The following ADRA1A variants were observed in gnomAD, a reference collection of about 807,000 sequenced individuals.
The protein encoded by ADRA1A is alpha-1A adrenergic receptor.
Under a neutral mutation model 29.6 loss-of-function variants are expected in ADRA1A, and 31 were observed. The observed-to-expected ratio is 1.05, with a 90% CI of 0.79 to 1.41. ADRA1A has a LOEUF of 1.41. Ranked by LOEUF, ADRA1A falls within the 40% of genes most tolerant of loss-of-function variation. The pLI is 0.00. For missense variants in ADRA1A, 619 were observed against 601.1 expected (o/e 1.03, Z -0.31); for synonymous variants, 311 against 254.3 (o/e 1.22, Z -2.12).
intron 2 of ADRA1A, chr8:26,859,140 G>A (rs779878293): frequency 1.5e-5 from 19 of 1,289,796 alleles, no homozygotes; most frequent in South Asian, 1.1e-4. Context: ...TTCCTCTCCC[G>A]CAGCCTAGTG....
At chr8:26,799,415 G>T (rs1300704539) in intron 2 of ADRA1A, among the ~76,000 whole-genome samples, 1 of 152,202 alleles carries the variant, frequency 6.6e-6, no homozygotes, top group East Asian at 1.9e-4. Context: ...CCACAGAGGA[G>T]AGAGCTGTGC....
In ADRA1A at chr8:26,865,119, G is replaced by T. The variant is rs1031766289; in HGVS notation, c.-150C>A. The T allele has an allele frequency of 6.1e-6, 9 of 1,471,634 alleles. No homozygotes were observed. The highest frequency in any genetic ancestry group is 4.2e-5 in the African/African-American group (3 of 70,630). The allele number at this position is 1,471,634 out of a possible 1,614,324, so 91.2% of individuals were successfully genotyped here. A position where few individuals can be genotyped will look rare whatever the true frequency, so the allele number is the denominator to read the frequency against. On this transcript the variant is annotated 5_prime_UTR_variant, in exon 2 of 3. Transcript: ENST00000380573. This position sits in a 1 kb window ranked among gnomAD's most constrained non-coding sequence, Gnocchi z 7.6. The stretch of plus-strand genomic sequence containing the variant: ...TGGCTGGGGGTGAGAGCGCGCGCGC[G>T]GGTGGGAAACAACCCTGGCCAGCCC...
intron 2 of ADRA1A, among the ~76,000 whole-genome samples, chr8:26,789,882 T>C (rs796107762): frequency 7.9e-5 from 12 of 152,154 alleles, no homozygotes; most frequent in Admixed American, 5.2e-4. Context: ...ATCAGGTATA[T>C]GCAAATCCAA....
Position 26,770,652 on chromosome 8 carries a change from C to T in ADRA1A, c.898G>A (p.Asp300Asn), listed in dbSNP as rs773993150. ...AAAACTGTTTCAGAGGGCTTGAAATCAGGGAAGAAAGACCCTGGAAGAAAA... is the reference window on the plus strand; with the variant it reads ...AAAACTGTTTCAGAGGGCTTGAAATTAGGGAAGAAAGACCCTGGAAGAAAA... Reference protein sequence around the residue: ...LVMPIGSFFPDFKPSETVFKI... With the variant: ...LVMPIGSFFPNFKPSETVFKI... The change falls in exon 3 of 3, where the codon GAT (aspartate) becomes AAT (asparagine). Residue 300 changes from aspartate to asparagine, a missense_variant. Physicochemically the swap from Asp to Asn is conservative, Grantham distance 23. Transcript: ENST00000380573. 2 of 1,610,966 alleles carry T rather than the reference C, an allele frequency of 1.2e-6. No homozygotes were observed. The highest frequency in any genetic ancestry group is 8.5e-7 in the Non-Finnish European group (1 of 1,178,246).
At chr8:26,840,990 G>C (rs989199627) in intron 2 of ADRA1A, among the ~76,000 whole-genome samples, 2 of 152,128 alleles carry the variant, frequency 1.3e-5, no homozygotes, top group Non-Finnish European at 2.9e-5. Context: ...GAGTGCACTG[G>C]GTGAAGACTA....
chr8:26,760,613 C>T (rs1456780353), intron 2 of ADRA1A, among the ~76,000 whole-genome samples: 1 of 152,210 alleles, frequency 6.6e-6, no homozygotes, highest in Admixed American at 6.5e-5. Context: ...AGGGTGATCA[C>T]AGGGCTCTCA....
intron 2 of ADRA1A, among the ~76,000 whole-genome samples, chr8:26,832,249 T>G (rs1038232349): frequency 6.6e-6 from 1 of 152,194 alleles, no homozygotes; most frequent in Non-Finnish European, 1.5e-5. Flanking sequence ...GGTGAAACCC[T>G]GTCCCAGACG....
chr8:26,781,482 A>G (rs1806976678), intron 2 of ADRA1A, among the ~76,000 whole-genome samples: 1 of 152,216 alleles, frequency 6.6e-6, no homozygotes, highest in Admixed American at 6.5e-5. Flanking sequence ...TCCTGCTTCA[A>G]TTACTCACAG....
chr8:26,834,418 G>T (rs993764877), intron 2 of ADRA1A, among the ~76,000 whole-genome samples: 1 of 152,190 alleles, frequency 6.6e-6, no homozygotes, highest in Admixed American at 6.5e-5. Flanking sequence ...GGGTGGAAAG[G>T]GGGAGCTTTT....
At chr8:26,766,256 T>C, downstream of ADRA1A, 1 of 804,632 alleles carries the variant, frequency 1.2e-6, no homozygotes. Flanking sequence ...AGTGTTTCTA[T>C]GAACTGTGGT....
At chr8:26,808,072 T>G (rs1277086382) in intron 2 of ADRA1A, among the ~76,000 whole-genome samples, 1 of 152,252 alleles carries the variant, frequency 6.6e-6, no homozygotes, top group Non-Finnish European at 1.5e-5. Context: ...AATTATACCC[T>G]AAGGTGTTAT....
chr8:26,752,563 G>A (rs1265294452), downstream of ADRA1A, among the ~76,000 whole-genome samples: 1 of 152,292 alleles, frequency 6.6e-6, no homozygotes, highest in South Asian at 2.1e-4. Context: ...TTTTCAGGCT[G>A]CTTTTTGTTA....
chr8:26,856,806 A>C (rs1295660033), intron 2 of ADRA1A, among the ~76,000 whole-genome samples: 2 of 152,192 alleles, frequency 1.3e-5, no homozygotes, highest in Non-Finnish European at 2.9e-5. Context: ...TATCTGATTA[A>C]TGTCTATCTC....
At position 26,806,608 on chromosome 8, in the gene ADRA1A, G is replaced by A. The variant is rs962404685; in HGVS notation, c.884-35942C>T. ...TGGGAAGATGTCATGCCTCACACTG[G>A]GGAGTAAATGAAATGGCCTATAGCT... On this transcript the variant is annotated intron_variant, in intron 2 of 2. Transcript: ENST00000380573. This position sits in a 1 kb window ranked among gnomAD's most constrained non-coding sequence, Gnocchi z 4.6. 3.3e-5 allele frequency among the ~76,000 whole-genome samples: 5 copies of A among 152,136 alleles called. No homozygotes were observed. The highest frequency in any genetic ancestry group is 1.2e-4 in the African/African-American group (5 of 41,424).
chr8:26,764,149 C>A (rs28401733), downstream of ADRA1A, among the ~76,000 whole-genome samples: 60,963 of 151,774 alleles, frequency 0.4, 12,408 homozygotes, highest in Middle Eastern at 0.53. Flanking sequence ...TTTGCTGCTG[C>A]TGATGACCAG....
intron 2 of ADRA1A, among the ~76,000 whole-genome samples, chr8:26,799,320 C>T (rs767007896): frequency 6.6e-6 from 1 of 152,138 alleles, no homozygotes; most frequent in Non-Finnish European, 1.5e-5. Context: ...AGAAGTTGTG[C>T]CCTAATGAAA....
chr8:26,775,703 C>T lies in ADRA1A; in HGVS notation c.884-5037G>A, dbSNP rs999476616. Among the ~76,000 whole-genome samples the T allele has an allele frequency of 2.6e-5, 4 of 152,188 alleles. No individual in the cohort carries two copies. The highest frequency in any genetic ancestry group is 2.6e-4 in the Admixed American group (4 of 15,280). ...CACAGCCTAAGGATTCTTCCTGTCA[C>T]TGAGTTTCTTTCCACCATTTGGTCT... On this transcript the variant is annotated intron_variant, in intron 2 of 2. Transcript: ENST00000380573. The surrounding 1 kb of genome is among the most constrained non-coding windows in gnomAD (Gnocchi z 4.1).
At position 26,805,159 on chromosome 8, in the gene ADRA1A, T is replaced by G. The variant is rs143043238; in HGVS notation, c.884-34493A>C. ...AAATCCTAAAACGTCAGTTATATTG[T>G]GTCCCACTGTGACGACCAAGAATGG... On this transcript the variant is annotated intron_variant, in intron 2 of 2. Coordinates refer to ENST00000380573, the MANE Select transcript of ADRA1A (RefSeq NM_000680.4). This position sits in a 1 kb window ranked among gnomAD's most constrained non-coding sequence, Gnocchi z 4.8. Among the ~76,000 whole-genome samples, 24 of 152,348 alleles carry G rather than the reference T, an allele frequency of 1.6e-4. 2 individuals are homozygous for G. In the East Asian group the frequency reaches 4.4e-3, roughly 28 times the overall value.
intron 2 of ADRA1A, among the ~76,000 whole-genome samples, chr8:26,829,190 C>A (rs544231939): frequency 8.5e-4 from 130 of 152,184 alleles, no homozygotes; most frequent in Middle Eastern, 3.4e-3. Flanking sequence ...GGGAGACTCA[C>A]CTAATGCCAA....
Sources: gnomAD v4.1 joint callset for allele counts (sites outside exome capture counted in the v4.1 genomes callset) on GRCh38, gnomAD v4.1.1 for gene constraint, Gnocchi (gnomAD v3.1) non-coding constraint, MANE v1.5 for transcripts, NCBI Gene and HGNC (gene_info 2026-07-23, HGNC 2026-07-21) for gene names.